Variants in FAAH2 observed in about 807,000 individuals in gnomAD.
FAAH2 encodes the protein fatty acid amide hydrolase 2, also known as fatty-acid amide hydrolase 2.
Under a neutral mutation model 36.9 loss-of-function variants are expected in FAAH2, and 60 were observed. The ratio of observed to expected loss-of-function variants is 1.63; its 90% CI spans 1.32 to 2.02. The LOEUF (loss-of-function observed/expected upper bound fraction) is 2.02, where lower values mean the gene tolerates loss of function less well. Ranked by LOEUF, FAAH2 falls within the 30% of genes most tolerant of loss-of-function variation. FAAH2 has a pLI of 0.00. For missense variants in FAAH2, 689 were observed against 397.5 expected (o/e 1.73, Z -6.23); for synonymous variants, 214 against 143.8 (o/e 1.49, Z -3.49).
chrX:57,449,628 C>T (rs1263829412), intron 10 of FAAH2, among the ~76,000 whole-genome samples: 1 of 111,330 alleles, frequency 9.0e-6, no homozygotes, highest in Non-Finnish European at 1.9e-5. Flanking sequence ...TGATCACTCA[C>T]TCTTAATTTC....
At chrX:57,200,599 G>T in the FAAH2 span, among the ~76,000 whole-genome samples, 1 of 110,869 alleles carries the variant, frequency 9.0e-6, no homozygotes, top group Non-Finnish European at 1.9e-5. Flanking sequence ...GGATGGTCTT[G>T]ATCTCCTGAC....
intron 5 of FAAH2, 98 bp from the exon 6 acceptor site, chrX:57,378,553 G>C (rs374796107): frequency 1.2e-5 from 13 of 1,079,103 alleles, no homozygotes; most frequent in South Asian, 6.7e-5. Context: ...TTAACCAGGA[G>C]AAAAAGTATT....
At chrX:57,151,126 A>G in the FAAH2 span, among the ~76,000 whole-genome samples, 1 of 112,330 alleles carries the variant, frequency 8.9e-6, no homozygotes, top group Non-Finnish European at 1.9e-5. Flanking sequence ...CTGCTGAGAG[A>G]TCCACTGTTA....
chrX:57,126,148 G>A, the FAAH2 span, among the ~76,000 whole-genome samples: 2 of 112,482 alleles, frequency 1.8e-5, no homozygotes, highest in Admixed American at 9.4e-5. Flanking sequence ...AGTTAAGGTA[G>A]CAGTTATTCT....
the FAAH2 span, among the ~76,000 whole-genome samples, chrX:57,185,833 TTGC>T: frequency 2.7e-5 from 3 of 110,567 alleles, no homozygotes; most frequent in Non-Finnish European, 5.7e-5. Flanking sequence ...CTGTGTTAGT[TTGC>T]TGAGGATGAC....
At chrX:57,150,810 T>C in the FAAH2 span, among the ~76,000 whole-genome samples, 1 of 112,027 alleles carries the variant, frequency 8.9e-6, no homozygotes, top group Non-Finnish European at 1.9e-5. Flanking sequence ...TTTATGATGT[T>C]AGCTGGTTAT....
chrX:57,390,044 G>T (rs1357560266), intron 7 of FAAH2, among the ~76,000 whole-genome samples: 2 of 109,916 alleles, frequency 1.8e-5, no homozygotes, highest in African/African-American at 6.6e-5. Flanking sequence ...TAAGTTATTT[G>T]TTTCTGATAA....
At chrX:57,272,529 G>T in the FAAH2 span, among the ~76,000 whole-genome samples, 1 of 111,989 alleles carries the variant, frequency 8.9e-6, no homozygotes, top group East Asian at 2.8e-4. Flanking sequence ...ACCCACAAAG[G>T]GAAGCCAATC....
chrX:57,312,357 G>A (rs916195268), intron 3 of FAAH2, among the ~76,000 whole-genome samples: 2 of 111,963 alleles, frequency 1.8e-5, no homozygotes, highest in Non-Finnish European at 3.8e-5. Flanking sequence ...GAAACCAAGT[G>A]CAAGAATTCA....
At chrX:57,378,893 T>G (rs1429826923) in intron 6 of FAAH2, 107 bp downstream of exon 6, 1 of 960,815 alleles carries the variant, frequency 1.0e-6, no homozygotes. Context: ...CAAATAATTT[T>G]TACAGGTTTT....
intron 10 of FAAH2, among the ~76,000 whole-genome samples, chrX:57,452,861 T>A (rs896509529): frequency 2.7e-5 from 3 of 111,439 alleles, no homozygotes; most frequent in Non-Finnish European, 3.8e-5. Context: ...AAAGTTGGAG[T>A]CTATGATATT....
chrX:57,203,235 T>C, the FAAH2 span, among the ~76,000 whole-genome samples: 1 of 112,202 alleles, frequency 8.9e-6, no homozygotes, highest in Non-Finnish European at 1.9e-5. Context: ...GTATTCCTTA[T>C]GGGAAACAAA....
the FAAH2 span, among the ~76,000 whole-genome samples, chrX:57,149,337 A>G: frequency 8.9e-6 from 1 of 111,758 alleles, no homozygotes. Flanking sequence ...GAATGGTACC[A>G]GCTCCTTCTT....
intron 7 of FAAH2, among the ~76,000 whole-genome samples, chrX:57,381,990 G>T (rs1020944637): frequency 1.8e-5 from 2 of 111,740 alleles, no homozygotes; most frequent in African/African-American, 3.3e-5. Flanking sequence ...AGACCATAGT[G>T]CAAACAAACT....
chrX:57,181,326 A>G, the FAAH2 span, among the ~76,000 whole-genome samples: 1 of 112,010 alleles, frequency 8.9e-6, no homozygotes, highest in Non-Finnish European at 1.9e-5. Context: ...ACATGATTCT[A>G]TATCTAGAAA....
intron 7 of FAAH2, among the ~76,000 whole-genome samples, chrX:57,429,317 C>T (rs1379819997): frequency 2.0e-5 from 2 of 101,302 alleles, no homozygotes; most frequent in Non-Finnish European, 4.0e-5. Flanking sequence ...CCAGCCTGGG[C>T]CATAGAGTGA....
At chrX:57,392,803 T>A (rs943341784) in intron 7 of FAAH2, 32 of 641,226 alleles carry the variant, frequency 5.0e-5, no homozygotes, top group Non-Finnish European at 7.4e-5. Context: ...ATGAATCCTG[T>A]AGGGACACCT....
the FAAH2 span, among the ~76,000 whole-genome samples, chrX:57,248,794 C>CTTTT: frequency 4.5e-5 from 2 of 44,193 alleles, no homozygotes; most frequent in African/African-American, 9.8e-5. Context: ...AATAGTGTGT[C>CTTTT]TTTTTTTTTT....
chrX:57,271,806 C>T, the FAAH2 span, among the ~76,000 whole-genome samples: 1 of 110,950 alleles, frequency 9.0e-6, no homozygotes, highest in South Asian at 3.8e-4. Context: ...AAAAAAAGTG[C>T]TAAAAGGATA....
Sources: allele counts gnomAD v4.1 joint callset (sites outside exome capture counted in the v4.1 genomes callset), GRCh38; gene constraint gnomAD v4.1.1; transcripts MANE v1.5; gene names NCBI Gene and HGNC (gene_info 2026-07-23, HGNC 2026-07-21).